The following TRAF3IP2 variants were observed in gnomAD, a reference collection of about 807,000 sequenced individuals.
The protein encoded by TRAF3IP2 is TRAF3 interacting protein 2.
Under a neutral mutation model 57.9 loss-of-function variants are expected in TRAF3IP2, and 35 were observed. That is an observed-to-expected ratio of 0.60 (90% CI 0.46 to 0.80). The LOEUF (loss-of-function observed/expected upper bound fraction) is 0.80. Ranked by LOEUF, TRAF3IP2 falls within the 30% of genes least tolerant of loss-of-function variation. The probability of loss-of-function intolerance (pLI) is 0.00; values close to 1 mark genes in which losing one functional copy is unlikely to be tolerated. For synonymous variants in TRAF3IP2, 251 were observed against 268.9 expected, an observed-to-expected ratio of 0.93 and a Z score of 0.65; for missense variants, 556 against 706.4, an observed-to-expected ratio of 0.79 and a Z score of 2.41.
intron 7 of TRAF3IP2, chr6:111,565,189 C>T (rs1211210630): frequency 6.6e-6 from 1 of 152,208 alleles, no homozygotes; most frequent in Non-Finnish European, 1.5e-5. Context: ...GAGACAGAGA[C>T]CATGAAGACT....
Position 111,575,186 on chromosome 6 carries a change from C to T in TRAF3IP2, c.1201+457G>A, listed in dbSNP as rs569155400. On this transcript the variant is annotated intron_variant, in intron 4 of 8. Transcript: ENST00000368761. Reference sequence around the variant, plus strand: ...CTGCAGTTAGCCATGATCACACCACCGCACTCCCGCCTAGGCAACAGGAGT... The same window carrying T: ...CTGCAGTTAGCCATGATCACACCACTGCACTCCCGCCTAGGCAACAGGAGT... 1.4e-3 allele frequency among the ~76,000 whole-genome samples: 209 copies of T among 151,882 alleles called. 2 individuals carry two copies. The highest frequency in any genetic ancestry group is 4.7e-3 in the African/African-American group (193 of 41,400).
Position 111,556,188 on chromosome 6 carries a change from A to T in TRAF3IP2, c.*3217T>A. 6.6e-6 allele frequency among the ~76,000 whole-genome samples: 1 copy of T among 151,616 alleles called. No homozygotes were observed. The highest frequency in any genetic ancestry group is 1.5e-5 in the Non-Finnish European group (1 of 67,974). ...GGGGCCAAGCTTTTGTCACTTGGCC[A>T]AGTGCGTGTGTGTGTGTATGTGTGC... On this transcript the variant is annotated 3_prime_UTR_variant, in exon 9 of 9. Coordinates refer to ENST00000368761, the MANE Select transcript of TRAF3IP2 (RefSeq NM_147686.4).
chr6:111,567,825 T>C (rs771724988), intron 5 of TRAF3IP2, 133 bp from the exon 6 acceptor site: 122 of 592,478 alleles, frequency 2.1e-4, no homozygotes, highest in Non-Finnish European at 2.9e-4. Context: ...AAGGAGCACA[T>C]AGGTCTAAAA....
At chr6:111,595,221 G>A (rs560974505) in intron 1 of TRAF3IP2, among the ~76,000 whole-genome samples, 50 of 152,228 alleles carry the variant, frequency 3.3e-4, no homozygotes, top group African/African-American at 1.2e-3. Context: ...CAACAGGAGC[G>A]AAACTCTGTC....
At chr6:111,575,847 A>G in intron 3 of TRAF3IP2, 26 bp from the exon 4 acceptor site, 2 of 1,600,192 alleles carry the variant, frequency 1.2e-6, no homozygotes, top group South Asian at 2.2e-5. Context: ...TTTACAGTCA[A>G]TTTTCATTCT....
intron 4 of TRAF3IP2, chr6:111,573,776 G>A (rs1299455081): frequency 2.0e-5 from 3 of 152,216 alleles, no homozygotes; most frequent in African/African-American, 4.8e-5. Flanking sequence ...TAATGTGAAA[G>A]CTGAATAATT....
At chr6:111,562,240 T>C (rs1795471475) in intron 8 of TRAF3IP2, among the ~76,000 whole-genome samples, 1 of 152,198 alleles carries the variant, frequency 6.6e-6, no homozygotes, top group Non-Finnish European at 1.5e-5. Flanking sequence ...CAGGTAACTA[T>C]AGATTTAATT....
chr6:111,576,274 T>C (rs960497768), intron 3 of TRAF3IP2: 2 of 155,450 alleles, frequency 1.3e-5, no homozygotes, highest in Non-Finnish European at 2.9e-5. Context: ...ATTTGTACTG[T>C]TGACATATAA....
Position 111,556,728 on chromosome 6 carries a change from A to G in TRAF3IP2, c.*2677T>C, listed in dbSNP as rs1562413352. 2 of 151,556 alleles carry G rather than the reference A, an allele frequency of 1.3e-5. No homozygotes were observed. The highest frequency in any genetic ancestry group is 4.8e-5 in the African/African-American group (2 of 41,306). The allele number at this position is 151,556 out of a possible 1,614,324, so 9.4% of individuals were successfully genotyped here. A position where few individuals can be genotyped will look rare whatever the true frequency, so the allele number is the denominator to read the frequency against. On this transcript the variant is annotated 3_prime_UTR_variant, in exon 9 of 9. Transcript: ENST00000368761. ...CAAAGACATTCGTCTCACCCAGTAGACATCTAAGTTATAAAGTAAATGAAA... is the reference window on the plus strand; with the variant it reads ...CAAAGACATTCGTCTCACCCAGTAGGCATCTAAGTTATAAAGTAAATGAAA...
intron 3 of TRAF3IP2, among the ~76,000 whole-genome samples, chr6:111,579,200 G>A (rs906856660): frequency 7.3e-5 from 11 of 151,066 alleles, no homozygotes; most frequent in South Asian, 4.2e-4. Context: ...GTGATGGCGC[G>A]CAGCTACCCA....
intron 5 of TRAF3IP2, among the ~76,000 whole-genome samples, chr6:111,571,515 A>G (rs990361450): frequency 6.6e-6 from 1 of 152,142 alleles, no homozygotes; most frequent in African/African-American, 2.4e-5. Context: ...CCTGGCTGCT[A>G]TAGTGCTTTC....
rs780191140 is a variant in TRAF3IP2 at position 111,591,286 on chromosome 6, A to AG, written c.800_801insC (p.Pro268SerfsTer13). 3 of 1,498,658 alleles carry AG rather than the reference A, an allele frequency of 2.0e-6. No individual in the cohort carries two copies. The allele number at this position is 1,498,658 out of a possible 1,614,324, so 92.8% of individuals were successfully genotyped here. Reference sequence around the variant, plus strand: ...GCACCTGGTGATCGGGACTTCCAGGACAATGGTAATGATAGTTCCATGGAG... The same window carrying AG: ...GCACCTGGTGATCGGGACTTCCAGGAGCAATGGTAATGATAGTTCCATGGAG... On this transcript the variant is annotated frameshift_variant, in exon 2 of 9. Coordinates refer to ENST00000368761, the MANE Select transcript of TRAF3IP2 (RefSeq NM_147686.4). LOFTEE classifies it high-confidence loss of function. This position sits in a 1 kb window ranked among gnomAD's most constrained non-coding sequence, Gnocchi z 4.9.
At chr6:111,588,473 T>C (rs1796406818) in intron 2 of TRAF3IP2, among the ~76,000 whole-genome samples, 1 of 152,246 alleles carries the variant, frequency 6.6e-6, no homozygotes, top group South Asian at 2.1e-4. Flanking sequence ...CTCCAAAGAC[T>C]GGATTGCCAA....
chr6:111,578,044 T>C (rs1244942282), intron 3 of TRAF3IP2, among the ~76,000 whole-genome samples: 1 of 152,180 alleles, frequency 6.6e-6, no homozygotes, highest in Non-Finnish European at 1.5e-5. Flanking sequence ...TTTTTCATTA[T>C]CCTAAAGTGA....
At chr6:111,564,181 C>G (rs1032781863) in intron 7 of TRAF3IP2, among the ~76,000 whole-genome samples, 1 of 152,068 alleles carries the variant, frequency 6.6e-6, no homozygotes, top group South Asian at 2.1e-4. Flanking sequence ...CACACACACA[C>G]GATCACACAA....
chr6:111,597,937 C>T (rs1183579782), intron 1 of TRAF3IP2: 1 of 455,430 alleles, frequency 2.2e-6, no homozygotes. Context: ...CCCTGTTTTC[C>T]AGCCATGACC....
intron 2 of TRAF3IP2, among the ~76,000 whole-genome samples, chr6:111,580,892 G>A (rs1188702939): frequency 1.3e-5 from 2 of 151,338 alleles, no homozygotes; most frequent in African/African-American, 4.8e-5. Context: ...CTCCTCTTAA[G>A]AAGAGGTAAA....
chr6:111,571,223 G>A (rs977045627), intron 5 of TRAF3IP2, among the ~76,000 whole-genome samples: 15 of 151,984 alleles, frequency 9.9e-5, no homozygotes, highest in African/African-American at 2.4e-4. Flanking sequence ...CTACAGAAAT[G>A]TGCCACCACA....
intron 3 of TRAF3IP2, chr6:111,576,869 T>TA (rs1219332645): frequency 3.0e-4 from 45 of 152,214 alleles, no homozygotes; most frequent in African/African-American, 1.1e-3. Flanking sequence ...ATTATAAATT[T>TA]TAAAAAAATG....
Sources: gnomAD v4.1 joint callset for allele counts (sites outside exome capture counted in the v4.1 genomes callset) on GRCh38, gnomAD v4.1.1 for gene constraint, Gnocchi (gnomAD v3.1) non-coding constraint, MANE v1.5 for transcripts, NCBI Gene and HGNC (gene_info 2026-07-23, HGNC 2026-07-21) for gene names.